CPNE4: variants seen among roughly 807,000 people sequenced by gnomAD.
CPNE4 encodes the protein copine-4.
Under a neutral mutation model 67.9 loss-of-function variants are expected in CPNE4, and 25 were observed. The ratio of observed to expected loss-of-function variants is 0.37; its 90% CI spans 0.27 to 0.51. CPNE4 has a LOEUF of 0.51. Among genes scored for constraint, CPNE4 ranks in the 20% least tolerant of loss-of-function variants. The pLI is 0.93. For missense variants in CPNE4, 464 were observed against 690.8 expected (o/e 0.67, Z 3.68); for synonymous variants, 242 against 244.9 (o/e 0.99, Z 0.11).
intron 2 of CPNE4, among the ~76,000 whole-genome samples, chr3:131,808,387 G>A (rs937014246): frequency 3.3e-5 from 5 of 151,894 alleles, no homozygotes; most frequent in African/African-American, 9.7e-5. Context: ...GAATTTATAG[G>A]AACTATAAGA....
At chr3:131,971,411 G>C (rs1419738122) in intron 1 of CPNE4, among the ~76,000 whole-genome samples, 1 of 152,088 alleles carries the variant, frequency 6.6e-6, no homozygotes, top group Admixed American at 6.5e-5. Context: ...GCAAACATTT[G>C]GAACTATCTT....
At chr3:131,572,690 C>G (rs532473615) in intron 10 of CPNE4, among the ~76,000 whole-genome samples, 1 of 152,066 alleles carries the variant, frequency 6.6e-6, no homozygotes, top group South Asian at 2.1e-4. Flanking sequence ...TCCAGGGAGA[C>G]AAAAAGTTTG....
chr3:131,800,429 AG>A (rs2084059809), intron 2 of CPNE4, among the ~76,000 whole-genome samples: 1 of 152,180 alleles, frequency 6.6e-6, no homozygotes, highest in Non-Finnish European at 1.5e-5. Flanking sequence ...ATAACACTAG[AG>A]TAACTGCTCA....
intron 15 of CPNE4, among the ~76,000 whole-genome samples, chr3:131,537,324 C>A (rs57934938): frequency 0.028 from 4,000 of 145,036 alleles, 61 homozygotes; most frequent in Middle Eastern, 0.063. Flanking sequence ...CACTCTGTCA[C>A]CCAGGCTGGA....
intron 1 of CPNE4, among the ~76,000 whole-genome samples, chr3:131,973,998 T>C (rs188828585): frequency 2.0e-5 from 3 of 152,310 alleles, no homozygotes; most frequent in East Asian, 1.9e-4. Flanking sequence ...ACCAGTTTCT[T>C]TGAATCACCA....
chr3:131,749,458 A>G (rs1229542596), intron 2 of CPNE4, among the ~76,000 whole-genome samples: 1 of 152,158 alleles, frequency 6.6e-6, no homozygotes, highest in Non-Finnish European at 1.5e-5. Flanking sequence ...CCATAACTTA[A>G]TAAGATTTTG....
At chr3:131,702,746 TG>T (rs1242956465) in intron 3 of CPNE4, among the ~76,000 whole-genome samples, 5 of 152,324 alleles carry the variant, frequency 3.3e-5, no homozygotes, top group Non-Finnish European at 5.9e-5. Flanking sequence ...CAAGAGAACC[TG>T]GATGGCCATA....
intron 2 of CPNE4, among the ~76,000 whole-genome samples, chr3:131,847,974 C>T (rs1049535527): frequency 7.2e-5 from 11 of 152,170 alleles, no homozygotes; most frequent in African/African-American, 2.7e-4. Flanking sequence ...ATAGACTTAT[C>T]TCCTAAACAC....
intron 2 of CPNE4, among the ~76,000 whole-genome samples, chr3:131,828,107 G>A (rs192683159): frequency 6.6e-6 from 1 of 150,768 alleles, no homozygotes; most frequent in African/African-American, 2.5e-5. Flanking sequence ...ACATTGTATT[G>A]CTTAGAGTCT....
chr3:131,750,203 T>C (rs753446749), intron 2 of CPNE4, among the ~76,000 whole-genome samples: 6 of 152,152 alleles, frequency 3.9e-5, no homozygotes, highest in Non-Finnish European at 8.8e-5. Context: ...ATAGCACCTA[T>C]CTGTATTTTT....
chr3:131,860,979 C>T (rs1295739656), intron 2 of CPNE4, among the ~76,000 whole-genome samples: 1 of 152,200 alleles, frequency 6.6e-6, no homozygotes, highest in Non-Finnish European at 1.5e-5. Context: ...TGTCTTGCTG[C>T]TTCTGTCATC....
intron 2 of CPNE4, among the ~76,000 whole-genome samples, chr3:131,838,629 A>T (rs377710733): frequency 3.3e-5 from 5 of 151,672 alleles, no homozygotes; most frequent in South Asian, 4.2e-4. Flanking sequence ...CCAAAAGAAA[A>T]TCTGACAGAG....
At chr3:131,588,489 C>T (rs961811512) in intron 7 of CPNE4, among the ~76,000 whole-genome samples, 4 of 152,146 alleles carry the variant, frequency 2.6e-5, no homozygotes, top group Admixed American at 1.3e-4. Flanking sequence ...ACCTTTTGCT[C>T]AGAGGTTTTC....
intron 7 of CPNE4, among the ~76,000 whole-genome samples, chr3:131,650,139 G>A: frequency 7.1e-6 from 1 of 140,416 alleles, no homozygotes; most frequent in East Asian, 2.0e-4. Flanking sequence ...TATCTGATTA[G>A]GTAAGGCCCA....
chr3:131,692,747 AC>A (rs2081061392), intron 5 of CPNE4, among the ~76,000 whole-genome samples: 1 of 152,126 alleles, frequency 6.6e-6, no homozygotes, highest in South Asian at 2.1e-4. Context: ...CTTATATTGC[AC>A]CCCATCAAAC....
At chr3:131,620,383 A>G in intron 7 of CPNE4, 1 of 840,304 alleles carries the variant, frequency 1.2e-6, no homozygotes, top group Non-Finnish European at 1.4e-6. Context: ...AGGCTACGGT[A>G]AATCCTTTTA....
chr3:131,552,161 A>G (rs1206529578), intron 13 of CPNE4, among the ~76,000 whole-genome samples: 1 of 151,726 alleles, frequency 6.6e-6, no homozygotes, highest in Non-Finnish European at 1.5e-5. Flanking sequence ...TATTATTATT[A>G]TTATTATTAT....
chr3:131,962,813 C>A (rs1440708719), intron 1 of CPNE4, among the ~76,000 whole-genome samples: 3 of 147,938 alleles, frequency 2.0e-5, no homozygotes, highest in African/African-American at 7.4e-5. Context: ...GTCCCTGATT[C>A]AAAAAAAAAA....
chr3:132,038,592 T>C (rs2074372105), upstream of CPNE4, among the ~76,000 whole-genome samples: 1 of 152,220 alleles, frequency 6.6e-6, no homozygotes. Context: ...ATTGCTCTAT[T>C]AATGAGGTCT....
Sources: allele counts gnomAD v4.1 joint callset (sites outside exome capture counted in the v4.1 genomes callset), GRCh38; gene constraint gnomAD v4.1.1; transcripts MANE v1.5; gene names NCBI Gene and HGNC (gene_info 2026-07-23, HGNC 2026-07-21).